Variants in USP26 observed in about 807,000 individuals in gnomAD.
The protein encoded by USP26 is ubiquitin specific peptidase 26.
For missense variants in USP26, 649 were observed against 642.3 expected (o/e 1.01, Z -0.11); for synonymous variants, 236 against 240.6 (o/e 0.98, Z 0.18).
rs150988266 is a variant in USP26 at position 133,094,410 on chromosome X, C to CTT, written c.-393+2618_-393+2619dup. Among the ~76,000 whole-genome samples the CTT allele has an allele frequency of 9.9e-3, 992 of 100,507 alleles. 13 individuals are homozygous for CTT. Among genetic ancestry groups the CTT allele is most frequent in the African/African-American group, 0.034 (933 of 27,689 alleles). The allele number at this position is 100,507 out of a possible 115,157, so 87.3% of individuals were successfully genotyped here. ...GTCCTCCTTATTCTTAAATAGAAAC[C>CTT]TTTTTTTTTTTTTTCTGGGAAGGAA... On this transcript the variant is annotated intron_variant, in intron 1 of 5. Coordinates refer to ENST00000511190, the MANE Select transcript of USP26 (RefSeq NM_031907.3).
chrX:133,055,728 G>A (rs2067472890), intron 5 of USP26, among the ~76,000 whole-genome samples: 1 of 111,554 alleles, frequency 9.0e-6, no homozygotes, highest in African/African-American at 3.3e-5. Context: ...AGTCCAGCAA[G>A]GTTTTGTTTC....
chrX:133,040,729 T>C (rs1468228073), intron 5 of USP26, among the ~76,000 whole-genome samples: 1 of 111,672 alleles, frequency 9.0e-6, no homozygotes, highest in Non-Finnish European at 1.9e-5. Context: ...TGAATTTGAA[T>C]GTTGGCCTGT....
intron 5 of USP26, among the ~76,000 whole-genome samples, chrX:133,067,260 CTT>C (rs1173424077): frequency 2.7e-5 from 3 of 112,560 alleles, no homozygotes; most frequent in Non-Finnish European, 3.8e-5. Context: ...AATATGAACT[CTT>C]TTACACTGTA....
chrX:133,051,151 T>C (rs987685594), intron 5 of USP26, among the ~76,000 whole-genome samples: 17 of 111,581 alleles, frequency 1.5e-4, no homozygotes, highest in African/African-American at 4.6e-4. Flanking sequence ...GGAGGACATA[T>C]GACACAGCTG....
At chrX:133,052,067 T>C (rs777679727) in intron 5 of USP26, among the ~76,000 whole-genome samples, 1 of 111,819 alleles carries the variant, frequency 8.9e-6, no homozygotes, top group Non-Finnish European at 1.9e-5. Context: ...TGACAAACAA[T>C]AGAGATCAAA....
At chrX:133,045,848 A>C (rs1000051639) in intron 5 of USP26, 5 of 114,761 alleles carry the variant, frequency 4.4e-5, no homozygotes, top group Non-Finnish European at 9.0e-5. Flanking sequence ...AATTCCGGAC[A>C]CAATAATAAA....
chrX:133,052,467 A>C (rs1219788007), intron 5 of USP26, among the ~76,000 whole-genome samples: 11 of 112,615 alleles, frequency 9.8e-5, no homozygotes, highest in Non-Finnish European at 2.1e-4. Flanking sequence ...GTGGAAAAAA[A>C]AGTAAAATTG....
At chrX:133,079,525 C>T (rs1394487745) in intron 5 of USP26, among the ~76,000 whole-genome samples, 2 of 111,770 alleles carry the variant, frequency 1.8e-5, no homozygotes, top group African/African-American at 3.2e-5. Flanking sequence ...CCTGTACATA[C>T]AGGGGAATAA....
chrX:133,091,703 C>G (rs548749962), intron 1 of USP26, among the ~76,000 whole-genome samples: 1 of 111,177 alleles, frequency 9.0e-6, no homozygotes. Flanking sequence ...GTCCCTATCT[C>G]TAGAACTCTA....
At chrX:133,037,389 A>G (rs979418509) in intron 5 of USP26, among the ~76,000 whole-genome samples, 1 of 112,429 alleles carries the variant, frequency 8.9e-6, no homozygotes, top group Admixed American at 9.4e-5. Context: ...TGTTTTCTGC[A>G]TATGGCTAGC....
At chrX:133,088,527 C>T (rs1403245717) in intron 4 of USP26, among the ~76,000 whole-genome samples, 4 of 111,304 alleles carry the variant, frequency 3.6e-5, no homozygotes, top group Non-Finnish European at 7.5e-5. Flanking sequence ...AACAGGCCAC[C>T]GCCCAGTACC....
chrX:133,087,550 G>A (rs1177155437), intron 4 of USP26, among the ~76,000 whole-genome samples: 1 of 111,764 alleles, frequency 8.9e-6, no homozygotes, highest in Non-Finnish European at 1.9e-5. Flanking sequence ...CACATATCAG[G>A]TTTTTTCTCT....
intron 5 of USP26, among the ~76,000 whole-genome samples, chrX:133,069,365 T>C (rs1395704787): frequency 1.8e-5 from 2 of 111,313 alleles, no homozygotes; most frequent in African/African-American, 6.5e-5. Flanking sequence ...AACTTCTTTG[T>C]CTACTAACAT....
chrX:133,061,856 C>T (rs1353233726), intron 5 of USP26, among the ~76,000 whole-genome samples: 1 of 111,637 alleles, frequency 9.0e-6, no homozygotes, highest in African/African-American at 3.3e-5. Context: ...AAAAACCGGG[C>T]GACTGTTAGG....
intron 5 of USP26, among the ~76,000 whole-genome samples, chrX:133,068,650 G>T (rs1021760568): frequency 2.3e-4 from 26 of 112,051 alleles, no homozygotes; most frequent in African/African-American, 8.1e-4. Context: ...CCCAGCAAGA[G>T]AAATGCTTAG....
intron 4 of USP26, among the ~76,000 whole-genome samples, chrX:133,084,150 C>T (rs1377936690): frequency 8.9e-6 from 1 of 112,158 alleles, no homozygotes; most frequent in Admixed American, 9.5e-5. Flanking sequence ...GTACAGCACT[C>T]TCATCAGCTT....
At chrX:133,048,913 C>A (rs1030284067) in intron 5 of USP26, among the ~76,000 whole-genome samples, 2 of 111,552 alleles carry the variant, frequency 1.8e-5, no homozygotes, top group Non-Finnish European at 3.8e-5. Context: ...ATTTGGTGAG[C>A]CACCTATGCT....
chrX:133,033,925 A>G lies in USP26; in HGVS notation c.-76-5629T>C, dbSNP rs2067387228. On this transcript the variant is annotated intron_variant, in intron 5 of 5. Transcript: ENST00000511190. ...AGTAAAATTCAGTTAGTGTTACCTAAAAGTCCATGTATTTTCTGCTATCTT... is the reference window on the plus strand; with the variant it reads ...AGTAAAATTCAGTTAGTGTTACCTAGAAGTCCATGTATTTTCTGCTATCTT... Among the ~76,000 whole-genome samples the G allele has an allele frequency of 6.2e-5, 7 of 112,144 alleles. No homozygotes were observed. The South Asian group carries it at 2.2e-3, about 36-fold the overall frequency.
intron 5 of USP26, among the ~76,000 whole-genome samples, chrX:133,060,457 T>G (rs894508204): frequency 1.8e-5 from 2 of 112,060 alleles, no homozygotes; most frequent in East Asian, 5.5e-4. Context: ...TCCTTCTTCT[T>G]ACAGTTGTTT....
Sources: gnomAD v4.1 joint callset for allele counts (sites outside exome capture counted in the v4.1 genomes callset) on GRCh38, gnomAD v4.1.1 for gene constraint, MANE v1.5 for transcripts, NCBI Gene and HGNC (gene_info 2026-07-23, HGNC 2026-07-21) for gene names.